LYST: variants seen among roughly 807,000 people sequenced by gnomAD.
LYST encodes the protein lysosomal trafficking regulator.
Under a neutral mutation model 413.6 loss-of-function variants are expected in LYST, and 192 were observed. The observed-to-expected ratio is 0.46, with a 90% CI of 0.41 to 0.52. The LOEUF is 0.52. LYST is among the 20% of genes least tolerant of loss of function. The pLI, the probability that LYST is intolerant of heterozygous loss-of-function variation, is 0.00. For synonymous variants in LYST, 1,525 were observed against 1,567.3 expected (o/e 0.97, Z 0.64); for missense variants, 3,815 against 4,499.9 (o/e 0.85, Z 4.35).
intron 28 of LYST, among the ~76,000 whole-genome samples, chr1:235,750,204 A>G (rs902625126): frequency 5.3e-5 from 8 of 152,192 alleles, no homozygotes; most frequent in African/African-American, 1.9e-4. Flanking sequence ...AAAGAGATGT[A>G]CAACTGGGAG....
At chr1:235,822,761 CT>C (rs1487679591) in intron 3 of LYST, among the ~76,000 whole-genome samples, 1 of 152,204 alleles carries the variant, frequency 6.6e-6, no homozygotes, top group African/African-American at 2.4e-5. Context: ...CAACTTGTGA[CT>C]AGCTTTGACC....
At chr1:235,725,141 A>G (rs1187256136) in intron 38 of LYST, among the ~76,000 whole-genome samples, 1 of 152,150 alleles carries the variant, frequency 6.6e-6, no homozygotes, top group Non-Finnish European at 1.5e-5. Flanking sequence ...GCCCATCAAT[A>G]AAGGGGAATA....
intron 45 of LYST, among the ~76,000 whole-genome samples, chr1:235,701,552 C>A (rs189663211): frequency 6.6e-6 from 1 of 152,028 alleles, no homozygotes. Context: ...TGTTTGAACC[C>A]GGGAGGCAGA....
chr1:235,802,895 AATG>A lies in LYST; in HGVS notation c.3712+10_3712+12del. 1.2e-6 allele frequency: 2 copies of A among 1,612,678 alleles called. No homozygotes were observed. Among genetic ancestry groups the A allele is most frequent in the Non-Finnish European group, 1.7e-6 (2 of 1,179,326 alleles). ...TTGCAGATCTAATTACAAGCACTTCAATGATATTTTACCATCATCCTGGGTTTC... is the reference window on the plus strand; with the variant it reads ...TTGCAGATCTAATTACAAGCACTTCAATATTTTACCATCATCCTGGGTTTC... On this transcript the variant is annotated intron_variant, in intron 8 of 52. Coordinates refer to ENST00000389793, the MANE Select transcript of LYST (RefSeq NM_000081.4).
At chr1:235,733,096 C>T (rs1292871998) in intron 34 of LYST, among the ~76,000 whole-genome samples, 7 of 152,036 alleles carry the variant, frequency 4.6e-5, no homozygotes, top group Non-Finnish European at 8.8e-5. Context: ...TATTTTAGTA[C>T]ACCAAAGTCA....
At chr1:235,693,626 A>G (rs1263084530) in intron 46 of LYST, 140 bp from the exon 47 acceptor site, 1 of 879,678 alleles carries the variant, frequency 1.1e-6, no homozygotes, top group Non-Finnish European at 1.8e-6. Context: ...AATCTCTAAA[A>G]TGGAACAATT....
intron 4 of LYST, among the ~76,000 whole-genome samples, chr1:235,812,409 A>G (rs1673555622): frequency 6.6e-6 from 1 of 151,688 alleles, no homozygotes; most frequent in Non-Finnish European, 1.5e-5. Context: ...CAGGAGGCTG[A>G]GGCACAAGAA....
At chr1:235,668,634 T>G (rs953034867) in intron 50 of LYST, among the ~76,000 whole-genome samples, 7 of 152,226 alleles carry the variant, frequency 4.6e-5, no homozygotes, top group Non-Finnish European at 8.8e-5. Flanking sequence ...AAATCACTAC[T>G]GGCAGCAGGA....
intron 22 of LYST, among the ~76,000 whole-genome samples, chr1:235,760,402 T>A (rs1667472420): frequency 6.6e-6 from 1 of 152,192 alleles, no homozygotes; most frequent in African/African-American, 2.4e-5. Flanking sequence ...ATTTTTGCAG[T>A]CACTTCTTGC....
At chr1:235,693,896 C>G (rs1475194563) in intron 46 of LYST, among the ~76,000 whole-genome samples, 1 of 152,096 alleles carries the variant, frequency 6.6e-6, no homozygotes. Flanking sequence ...GATAACACTG[C>G]TAGAGTGGAA....
chr1:235,766,364 G>T, intron 20 of LYST, 87 bp from the exon 21 acceptor site: 2 of 964,312 alleles, frequency 2.1e-6, no homozygotes, highest in African/African-American at 1.6e-5. Flanking sequence ...TTCTTTTTAA[G>T]ATAGAATTCT....
At chr1:235,872,534 C>G (rs377340071) in intron 1 of LYST, among the ~76,000 whole-genome samples, 1 of 152,110 alleles carries the variant, frequency 6.6e-6, no homozygotes, top group Admixed American at 6.5e-5. Context: ...TCCTTCTTCC[C>G]GGATACAGGG....
At chr1:235,803,863 C>T (rs1213342283) in intron 7 of LYST, among the ~76,000 whole-genome samples, 1 of 151,748 alleles carries the variant, frequency 6.6e-6, no homozygotes, top group Non-Finnish European at 1.5e-5. Context: ...ATATATATGG[C>T]TAGATCAAGG....
Position 235,664,167 on chromosome 1 carries a change from T to G in LYST, c.11196-112A>C. The G allele has an allele frequency of 2.2e-6, 2 of 894,030 alleles. No homozygotes were observed. Among genetic ancestry groups the G allele is most frequent in the Non-Finnish European group, 3.7e-6 (2 of 538,306 alleles). The allele number at this position is 894,030 out of a possible 1,614,324, so 55.4% of individuals were successfully genotyped here. On this transcript the variant is annotated intron_variant, in intron 51 of 52. Transcript: ENST00000389793. The surrounding 1 kb of genome is among the most constrained non-coding windows in gnomAD (Gnocchi z 4.5). ...ATGTGGAAGGAAATGTAACAAACAA[T>G]TAACAGTAGTTCCCTCTAGGGAGTT...
chr1:235,692,411 G>A (rs1428973757), intron 47 of LYST, among the ~76,000 whole-genome samples: 4 of 151,152 alleles, frequency 2.6e-5, no homozygotes, highest in South Asian at 2.1e-4. Context: ...ATGGAGTCTC[G>A]CTCTTGTCAC....
intron 44 of LYST, among the ~76,000 whole-genome samples, chr1:235,703,580 T>C (rs1661719411): frequency 6.6e-6 from 1 of 152,238 alleles, no homozygotes; most frequent in Non-Finnish European, 1.5e-5. Context: ...ATTTTGTACA[T>C]ATCCACTTGA....
chr1:235,687,407 T>A (rs1192442300), intron 47 of LYST, among the ~76,000 whole-genome samples: 1 of 152,250 alleles, frequency 6.6e-6, no homozygotes, highest in Non-Finnish European at 1.5e-5. Flanking sequence ...GTACTTCACA[T>A]ATTTATTTGC....
intron 1 of LYST, among the ~76,000 whole-genome samples, chr1:235,834,052 C>T (rs1269882913): frequency 2.0e-5 from 3 of 152,118 alleles, no homozygotes; most frequent in South Asian, 2.1e-4. Context: ...CTAGGTACAG[C>T]CATTACTTTC....
chr1:235,716,717 A>T lies in LYST; in HGVS notation c.9622T>A (p.Tyr3208Asn). 6.3e-7 allele frequency: 1 copy of T among 1,585,510 alleles called. No individual in the cohort carries two copies. The highest frequency in any genetic ancestry group is 8.7e-7 in the Non-Finnish European group (1 of 1,154,780). Residue 3208 changes from tyrosine (Y) to asparagine (N), a missense_variant, in exon 41 of 53, where the codon TAC becomes AAC. Tyr to Asn is a moderately radical substitution (Grantham distance 143). This residue lies in a region of LYST where 866 missense variants were observed against 1,156.0 expected (regional missense o/e 0.75). Coordinates refer to ENST00000389793, the MANE Select transcript of LYST (RefSeq NM_000081.4). ...CGAGTAAAAACAAAAGCTACCTTGT[A>T]TGTGTCCACATAACGATCTTCTTTT... ...KEKEDRYVDT[Y>N]KYLEEEYRKG...
Sources: allele counts gnomAD v4.1 joint callset (sites outside exome capture counted in the v4.1 genomes callset), GRCh38; gene constraint gnomAD v4.1.1; regional missense constraint gnomAD v4.1.1; non-coding constraint Gnocchi (gnomAD v3.1); transcripts MANE v1.5; gene names NCBI Gene and HGNC (gene_info 2026-07-23, HGNC 2026-07-21).